KCNMB2: variants seen among roughly 807,000 people sequenced by gnomAD.
KCNMB2 encodes the protein calcium-activated potassium channel subunit beta-2.
Under a neutral mutation model 24.5 loss-of-function variants are expected in KCNMB2, and 9 were observed. The ratio of observed to expected loss-of-function variants is 0.37; its 90% CI spans 0.22 to 0.64. The LOEUF is 0.64. KCNMB2 is among the 30% of genes least tolerant of loss of function. KCNMB2 has a pLI of 0.63. For missense variants in KCNMB2, 226 were observed against 284.3 expected (o/e 0.79, Z 1.47); for synonymous variants, 109 against 104.4 (o/e 1.04, Z -0.27).
At chr3:178,762,082 A>T (rs1711915599) in intron 1 of KCNMB2, among the ~76,000 whole-genome samples, 1 of 152,176 alleles carries the variant, frequency 6.6e-6, no homozygotes, top group Non-Finnish European at 1.5e-5. Context: ...GAGGCAGGAG[A>T]ATCACTTGAA....
intron 4 of KCNMB2, 74 bp from the exon 5 acceptor site, chr3:178,842,579 C>A: frequency 1.0e-6 from 1 of 1,003,172 alleles, no homozygotes; most frequent in Non-Finnish European, 1.5e-6. Context: ...AATTTGGACA[C>A]AATACTCCAC....
chr3:178,545,803 A>T (rs1005567114), intron 1 of KCNMB2, among the ~76,000 whole-genome samples: 1 of 152,200 alleles, frequency 6.6e-6, no homozygotes, highest in African/African-American at 2.4e-5. Context: ...AAATGAGGAA[A>T]TTAGAAGGGG....
At chr3:178,554,381 G>A (rs2108457974) in intron 1 of KCNMB2, among the ~76,000 whole-genome samples, 1 of 152,220 alleles carries the variant, frequency 6.6e-6, no homozygotes, top group Non-Finnish European at 1.5e-5. Context: ...AACTACAATT[G>A]GTACCAAAGA....
At chr3:178,775,859 G>A (rs957676897) in intron 1 of KCNMB2, among the ~76,000 whole-genome samples, 1 of 152,150 alleles carries the variant, frequency 6.6e-6, no homozygotes, top group Admixed American at 6.6e-5. Flanking sequence ...TGTATCTCGA[G>A]GGAGATTACC....
intron 1 of KCNMB2, among the ~76,000 whole-genome samples, chr3:178,595,440 G>A (rs139020940): frequency 4.6e-5 from 7 of 152,114 alleles, no homozygotes; most frequent in African/African-American, 1.7e-4. Flanking sequence ...GATATGGTTT[G>A]GCTGTGTCTC....
chr3:178,843,327 T>C lies in KCNMB2; in HGVS notation c.*390T>C. On this transcript the variant is annotated 3_prime_UTR_variant, in exon 5 of 5. Coordinates refer to ENST00000452583, the MANE Select transcript of KCNMB2 (RefSeq NM_181361.3). ...GACAATATTTTTCATCACTTATTGT[T>C]TACTAAAGCTACAGCCAAAAATATT... 1 of 391,938 alleles carries C rather than the reference T, an allele frequency of 2.6e-6. No individual in the cohort carries two copies. 24.3% of individuals were successfully genotyped at this position (391,938 alleles called of 1,614,324 possible).
chr3:178,635,346 C>T (rs919264073), intron 1 of KCNMB2, among the ~76,000 whole-genome samples: 1 of 151,592 alleles, frequency 6.6e-6, no homozygotes, highest in South Asian at 2.1e-4. Flanking sequence ...AGACAAGTAT[C>T]CAGCAGTTAC....
intron 1 of KCNMB2, among the ~76,000 whole-genome samples, chr3:178,733,014 C>T (rs1025845880): frequency 1.8e-4 from 28 of 152,026 alleles, no homozygotes; most frequent in African/African-American, 6.5e-4. Context: ...GTTAAAATTG[C>T]GCAATAAATA....
chr3:178,633,243 C>T (rs1719386631), intron 1 of KCNMB2, among the ~76,000 whole-genome samples: 2 of 152,334 alleles, frequency 1.3e-5, no homozygotes, highest in Middle Eastern at 3.4e-3. Flanking sequence ...TCTCACAGAT[C>T]CACTAGGCAG....
chr3:178,705,396 C>T (rs1722244126), intron 1 of KCNMB2, among the ~76,000 whole-genome samples: 1 of 152,130 alleles, frequency 6.6e-6, no homozygotes, highest in South Asian at 2.1e-4. Flanking sequence ...CCTCACTTGT[C>T]TCTTAGGTCG....
intron 1 of KCNMB2, among the ~76,000 whole-genome samples, chr3:178,699,063 C>T (rs76784479): frequency 0.034 from 5,204 of 152,338 alleles, 171 homozygotes; most frequent in East Asian, 0.17. Context: ...GGGCATCCAC[C>T]ACAGTGGTGG....
chr3:178,708,587 G>A (rs1028626574), intron 1 of KCNMB2, among the ~76,000 whole-genome samples: 4 of 151,932 alleles, frequency 2.6e-5, no homozygotes, highest in African/African-American at 9.7e-5. Context: ...CCTTAGAGTG[G>A]GACTTTACCA....
chr3:178,613,278 A>G (rs1055070793), intron 1 of KCNMB2, among the ~76,000 whole-genome samples: 1 of 152,116 alleles, frequency 6.6e-6, no homozygotes, highest in Admixed American at 6.5e-5. Flanking sequence ...GGCGCCTTTA[A>G]TCCCCACTAC....
chr3:178,553,257 C>T (rs1716016644), intron 1 of KCNMB2, among the ~76,000 whole-genome samples: 1 of 152,136 alleles, frequency 6.6e-6, no homozygotes, highest in Non-Finnish European at 1.5e-5. Flanking sequence ...TACCTAAGTA[C>T]AATCTGGCAC....
At chr3:178,776,265 T>C (rs1366595892) in intron 1 of KCNMB2, among the ~76,000 whole-genome samples, 2 of 152,136 alleles carry the variant, frequency 1.3e-5, no homozygotes, top group Admixed American at 6.5e-5. Flanking sequence ...AAAGAGAGTT[T>C]AAAAATCATT....
intron 1 of KCNMB2, among the ~76,000 whole-genome samples, chr3:178,591,461 ACTT>A (rs1420686429): frequency 1.3e-5 from 2 of 152,056 alleles, no homozygotes; most frequent in Non-Finnish European, 2.9e-5. Flanking sequence ...TTTCTTAAAA[ACTT>A]CTCTCCTGCT....
Position 178,807,453 on chromosome 3 carries a change from A to C in KCNMB2, c.44A>C (p.His15Pro). The C allele has an allele frequency of 1.2e-6, 2 of 1,613,788 alleles. No individual in the cohort carries two copies. Among genetic ancestry groups the C allele is most frequent in the Non-Finnish European group, 1.7e-6 (2 of 1,179,706 alleles). The change falls in exon 2 of 5, where the codon CAT becomes CCT. Residue 15 changes from histidine to proline, a missense_variant. Transcript: ENST00000452583. ...GGCCGGACCTCTTCATCTTATAGAC[A>C]TGATGAAAAAAGGTAAATGCACTGG... ...TSGRTSSSYR[H>P]DEKRNIYQKI... is the part of the protein sequence containing the mutation.
At chr3:178,585,398 T>C (rs1406620588) in intron 1 of KCNMB2, among the ~76,000 whole-genome samples, 4 of 152,194 alleles carry the variant, frequency 2.6e-5, no homozygotes, top group African/African-American at 9.7e-5. Context: ...TAACCATCCC[T>C]TTCACTAGAC....
intron 1 of KCNMB2, among the ~76,000 whole-genome samples, chr3:178,551,010 C>T (rs769915901): frequency 2.0e-5 from 3 of 152,022 alleles, no homozygotes; most frequent in African/African-American, 4.8e-5. Flanking sequence ...AATGAAAAAG[C>T]GGGAGACCAT....
Sources: allele counts gnomAD v4.1 joint callset (sites outside exome capture counted in the v4.1 genomes callset), GRCh38; gene constraint gnomAD v4.1.1; transcripts MANE v1.5; gene names NCBI Gene and HGNC (gene_info 2026-07-23, HGNC 2026-07-21).